Variants in CIB4 observed in about 807,000 individuals in gnomAD.
The protein encoded by CIB4 is calcium and integrin-binding family member 4.
In CIB4, 25 loss-of-function variants were observed where a neutral mutation model predicts 25.8. That is an observed-to-expected ratio of 0.97 (90% CI 0.71 to 1.35). The LOEUF (loss-of-function observed/expected upper bound fraction) is 1.35, where lower values mean the gene tolerates loss of function less well. CIB4 is among the 40% of genes most tolerant of loss of function. The pLI, the probability that CIB4 is intolerant of heterozygous loss-of-function variation, is 0.00. For synonymous variants in CIB4, 75 were observed against 81.4 expected, an observed-to-expected ratio of 0.92 and a Z score of 0.42; for missense variants, 235 against 228.2, an observed-to-expected ratio of 1.03 and a Z score of -0.19.
chr2:26,638,958 A>C (rs572119455), intron 2 of CIB4, among the ~76,000 whole-genome samples: 2 of 151,952 alleles, frequency 1.3e-5, no homozygotes, highest in Non-Finnish European at 2.9e-5. Flanking sequence ...TCTCAAAAAA[A>C]ACCCCAAAAG....
At chr2:26,630,631 GACT>G (rs1669399275) in intron 2 of CIB4, among the ~76,000 whole-genome samples, 1 of 152,110 alleles carries the variant, frequency 6.6e-6, no homozygotes, top group South Asian at 2.1e-4. Flanking sequence ...TTCAAATCCT[GACT>G]CTGCCACTTA....
chr2:26,633,847 C>T (rs909852458), intron 2 of CIB4, among the ~76,000 whole-genome samples: 2 of 152,200 alleles, frequency 1.3e-5, no homozygotes, highest in African/African-American at 2.4e-5. Context: ...GGTCACTCTG[C>T]TGCTGACTGT....
intron 3 of CIB4, among the ~76,000 whole-genome samples, chr2:26,610,359 A>G (rs1668975426): frequency 6.6e-6 from 1 of 152,196 alleles, no homozygotes; most frequent in Non-Finnish European, 1.5e-5. Flanking sequence ...TCTCACCAAT[A>G]GCCGCCTCTC....
At chr2:26,588,499 T>C (rs1397451412) in intron 4 of CIB4, among the ~76,000 whole-genome samples, 1 of 152,218 alleles carries the variant, frequency 6.6e-6, no homozygotes. Flanking sequence ...AGAGAGCTGG[T>C]GGAGTCAGGG....
chr2:26,589,124 T>C (rs1425026418), intron 4 of CIB4, among the ~76,000 whole-genome samples: 3 of 132,376 alleles, frequency 2.3e-5, no homozygotes, highest in Admixed American at 7.5e-5. Flanking sequence ...TTCTTCTTCT[T>C]CTTCTTCTTC....
intron 2 of CIB4, among the ~76,000 whole-genome samples, chr2:26,632,694 C>G (rs912049768): frequency 4.2e-4 from 64 of 150,936 alleles, no homozygotes; most frequent in Non-Finnish European, 8.0e-4. Flanking sequence ...GGAGGTAGAG[C>G]TTCCAGTGAG....
chr2:26,623,607 C>T (rs775175427), intron 3 of CIB4: 70 of 469,876 alleles, frequency 1.5e-4, no homozygotes, highest in African/African-American at 1.3e-3. Context: ...CCTGACCATA[C>T]CTCCCTACAC....
chr2:26,628,293 T>G (rs1199564845), intron 3 of CIB4, among the ~76,000 whole-genome samples: 1 of 152,038 alleles, frequency 6.6e-6, no homozygotes, highest in Non-Finnish European at 1.5e-5. Context: ...CCTAAAGGAT[T>G]GGGAGGTGGG....
chr2:26,616,277 G>A (rs375406830), intron 3 of CIB4, among the ~76,000 whole-genome samples: 83 of 152,348 alleles, frequency 5.4e-4, no homozygotes, highest in African/African-American at 1.9e-3. Flanking sequence ...GCAGCATGGT[G>A]GCCGTGCCTG....
intron 3 of CIB4, among the ~76,000 whole-genome samples, chr2:26,601,228 AAAAATATATATATATAT>A (rs1364493390): frequency 8.8e-5 from 7 of 79,762 alleles, no homozygotes; most frequent in Non-Finnish European, 1.2e-4. Flanking sequence ...AAAAAAAAAA[AAAAATATATATATATAT>A]ATATATATAT....
intron 3 of CIB4, among the ~76,000 whole-genome samples, chr2:26,615,366 G>A (rs1669072251): frequency 6.6e-6 from 1 of 152,162 alleles, no homozygotes; most frequent in South Asian, 2.1e-4. Context: ...TACCACATAG[G>A]CTGCAGGGTA....
At chr2:26,600,123 T>C (rs1668755219) in intron 3 of CIB4, among the ~76,000 whole-genome samples, 1 of 138,214 alleles carries the variant, frequency 7.2e-6, no homozygotes, top group Admixed American at 7.2e-5. Context: ...GCGCAGTGGC[T>C]GCTAGGCATG....
At chr2:26,640,382 C>T (rs748492276) in intron 2 of CIB4, 151 bp downstream of exon 2, 42 of 771,906 alleles carry the variant, frequency 5.4e-5, no homozygotes, top group Non-Finnish European at 8.0e-5. Flanking sequence ...GCCCTCCCAT[C>T]CCTGCCTGCC....
intron 5 of CIB4, 113 bp downstream of exon 5, chr2:26,583,676 A>C (rs1668394326): frequency 1.4e-6 from 1 of 724,568 alleles, no homozygotes; most frequent in Admixed American, 2.0e-5. Flanking sequence ...CATCTGCCTC[A>C]GGCTGGCCCT....
chr2:26,634,988 G>C (rs1379883579), intron 2 of CIB4, among the ~76,000 whole-genome samples: 2 of 152,258 alleles, frequency 1.3e-5, no homozygotes. Context: ...GCCTTGCCCA[G>C]GAAGCCACAT....
intron 3 of CIB4, among the ~76,000 whole-genome samples, chr2:26,604,160 G>A (rs1180190877): frequency 6.0e-5 from 9 of 149,262 alleles, no homozygotes; most frequent in African/African-American, 7.4e-5. Flanking sequence ...CAGGAGGATC[G>A]CTTGAGCCCA....
chr2:26,604,002 TAA>T (rs1213333682), intron 3 of CIB4, among the ~76,000 whole-genome samples: 24 of 103,178 alleles, frequency 2.3e-4, no homozygotes, highest in Non-Finnish European at 2.3e-4. Flanking sequence ...GAGCATACCT[TAA>T]AAAAAAAAAA....
chr2:26,594,143 C>T (rs1668636564), intron 4 of CIB4, among the ~76,000 whole-genome samples: 2 of 152,226 alleles, frequency 1.3e-5, no homozygotes, highest in African/African-American at 4.8e-5. Context: ...TAGAACACAT[C>T]TCGCTTTTGG....
intron 3 of CIB4, among the ~76,000 whole-genome samples, chr2:26,618,679 C>T (rs537294072): frequency 1.3e-5 from 2 of 152,154 alleles, no homozygotes; most frequent in South Asian, 2.1e-4. Context: ...CCAGTCGGAC[C>T]GGGTGCTGGG....
Sources: allele counts gnomAD v4.1 joint callset (sites outside exome capture counted in the v4.1 genomes callset), GRCh38; gene constraint gnomAD v4.1.1; transcripts MANE v1.5; gene names NCBI Gene and HGNC (gene_info 2026-07-23, HGNC 2026-07-21).